Variants in SNX29 observed in about 807,000 individuals in gnomAD.
SNX29 encodes sorting nexin-29.
A neutral mutation model predicts 102.1 loss-of-function variants in SNX29; 78 were observed. That is an observed-to-expected ratio of 0.76 (90% CI 0.64 to 0.92). The LOEUF is 0.92. SNX29 is among the 40% of genes least tolerant of loss of function. The pLI, the probability that SNX29 is intolerant of heterozygous loss-of-function variation, is 0.00. For missense variants in SNX29, 1,280 were observed against 1,061.7 expected, an observed-to-expected ratio of 1.21 and a Z score of -2.86; for synonymous variants, 580 against 414.5, an observed-to-expected ratio of 1.40 and a Z score of -4.85.
intron 20 of SNX29, among the ~76,000 whole-genome samples, chr16:12,554,169 G>A (rs1383721486): frequency 2.6e-5 from 4 of 152,222 alleles, no homozygotes; most frequent in East Asian, 3.8e-4. Context: ...AATGAGCAAT[G>A]TGTGAATAAG....
intron 20 of SNX29, among the ~76,000 whole-genome samples, chr16:12,561,648 C>T (rs543377024): frequency 6.6e-6 from 1 of 152,200 alleles, no homozygotes; most frequent in African/African-American, 2.4e-5. Context: ...AGAACAGCCA[C>T]TCCTGGGGCC....
chr16:12,285,470 G>T (rs2079565429), intron 15 of SNX29, among the ~76,000 whole-genome samples: 1 of 152,192 alleles, frequency 6.6e-6, no homozygotes, highest in African/African-American at 2.4e-5. Context: ...AATAAATGGT[G>T]TATTAGCAAC....
At chr16:12,001,962 A>G (rs1422835424) in intron 2 of SNX29, among the ~76,000 whole-genome samples, 3 of 151,404 alleles carry the variant, frequency 2.0e-5, no homozygotes, top group Non-Finnish European at 4.4e-5. Flanking sequence ...CGAGATTACC[A>G]TGAGCTATGA....
intron 8 of SNX29, among the ~76,000 whole-genome samples, chr16:12,054,538 C>A (rs541345319): frequency 6.6e-6 from 1 of 152,358 alleles, no homozygotes; most frequent in East Asian, 1.9e-4. Context: ...GGGATTCTTT[C>A]CTTTCCGCCT....
At chr16:12,564,151 G>A (rs1263424117) in intron 20 of SNX29, among the ~76,000 whole-genome samples, 2 of 152,144 alleles carry the variant, frequency 1.3e-5, no homozygotes, top group African/African-American at 4.8e-5. Context: ...CACTTGGGAG[G>A]CCTGAGGTAG....
At chr16:11,978,941 CAAAA>C (rs368512227) in intron 1 of SNX29, among the ~76,000 whole-genome samples, 1 of 148,848 alleles carries the variant, frequency 6.7e-6, no homozygotes, top group Non-Finnish European at 1.5e-5. Flanking sequence ...AACAAACAAA[CAAAA>C]AAACAAAAGA....
intron 15 of SNX29, among the ~76,000 whole-genome samples, chr16:12,307,021 G>A (rs75925854): frequency 0.024 from 3,697 of 152,126 alleles, 70 homozygotes; most frequent in East Asian, 0.12. Context: ...TAGATGCTTA[G>A]TATGGGCCTT....
chr16:12,175,674 G>A (rs2141791082), intron 13 of SNX29, among the ~76,000 whole-genome samples: 1 of 151,802 alleles, frequency 6.6e-6, no homozygotes, highest in African/African-American at 2.4e-5. Flanking sequence ...AAAGTACGGG[G>A]CTGTAATACG....
At chr16:12,210,949 C>T (rs1416172817) in intron 14 of SNX29, among the ~76,000 whole-genome samples, 4 of 152,138 alleles carry the variant, frequency 2.6e-5, no homozygotes. Flanking sequence ...ACTGTTTTCA[C>T]CTGCAACCCT....
intron 9 of SNX29, among the ~76,000 whole-genome samples, chr16:12,067,847 T>C (rs2051105998): frequency 6.6e-6 from 1 of 152,208 alleles, no homozygotes; most frequent in South Asian, 2.1e-4. Flanking sequence ...AATGTCACCA[T>C]GCAGCCCAAG....
chr16:12,091,351 A>T (rs1233591382), intron 11 of SNX29, among the ~76,000 whole-genome samples: 1 of 152,068 alleles, frequency 6.6e-6, no homozygotes, highest in Non-Finnish European at 1.5e-5. Context: ...CCCCTTTGCT[A>T]TAGACTGAAT....
intron 20 of SNX29, among the ~76,000 whole-genome samples, chr16:12,554,756 G>C (rs975279118): frequency 6.6e-6 from 1 of 151,894 alleles, no homozygotes; most frequent in Non-Finnish European, 1.5e-5. Context: ...AAGTGTATTA[G>C]AACGTGCTCT....
intron 14 of SNX29, among the ~76,000 whole-genome samples, chr16:12,223,916 G>A (rs929868659): frequency 1.4e-4 from 21 of 152,146 alleles, no homozygotes; most frequent in African/African-American, 5.1e-4. Context: ...TCCTTATCCT[G>A]TTGGACATAC....
intron 3 of SNX29, among the ~76,000 whole-genome samples, chr16:12,025,683 G>T (rs1259885074): frequency 1.3e-5 from 2 of 152,222 alleles, no homozygotes; most frequent in East Asian, 3.8e-4. Flanking sequence ...TCTGTCATGG[G>T]CACCGAATAC....
chr16:12,181,815 A>G (rs928475549), intron 13 of SNX29, among the ~76,000 whole-genome samples: 4 of 149,966 alleles, frequency 2.7e-5, no homozygotes, highest in Admixed American at 2.6e-4. Context: ...TTGCCTGCTT[A>G]TATTTTGGGG....
At chr16:12,555,230 A>G (rs1005367594) in intron 20 of SNX29, among the ~76,000 whole-genome samples, 1 of 151,458 alleles carries the variant, frequency 6.6e-6, no homozygotes, top group Admixed American at 6.6e-5. Flanking sequence ...GTACAGGGAG[A>G]AATGGAGGTG....
At chr16:12,298,462 A>G (rs1163835397) in intron 15 of SNX29, among the ~76,000 whole-genome samples, 1 of 152,218 alleles carries the variant, frequency 6.6e-6, no homozygotes, top group Non-Finnish European at 1.5e-5. Context: ...CAAGTCTATG[A>G]TCATGAGAAA....
intron 20 of SNX29, among the ~76,000 whole-genome samples, chr16:12,540,362 A>T (rs534634054): frequency 4.5e-4 from 68 of 152,112 alleles, no homozygotes; most frequent in Non-Finnish European, 8.2e-4. Flanking sequence ...CCCTGTATTA[A>T]TTTCTTATTG....
intron 15 of SNX29, among the ~76,000 whole-genome samples, chr16:12,318,695 G>T (rs1246570015): frequency 6.7e-6 from 1 of 150,316 alleles, no homozygotes; most frequent in African/African-American, 2.4e-5. Context: ...GAACTGGGAA[G>T]AGAAGAATTT....
Sources: allele counts gnomAD v4.1 joint callset (sites outside exome capture counted in the v4.1 genomes callset), GRCh38; gene constraint gnomAD v4.1.1; transcripts MANE v1.5; gene names NCBI Gene and HGNC (gene_info 2026-07-23, HGNC 2026-07-21).